Variants in CLEC16A observed in about 807,000 individuals in gnomAD.
CLEC16A encodes the protein protein CLEC16A.
CLEC16A carries 51 observed loss-of-function variants against 109.5 expected under a neutral mutation model. The observed-to-expected ratio is 0.47, with a 90% CI of 0.37 to 0.59. The LOEUF is 0.59. Ranked by LOEUF, CLEC16A falls within the 20% of genes least tolerant of loss-of-function variation. The pLI is 0.00. For synonymous variants in CLEC16A, 673 were observed against 564.2 expected (o/e 1.19, Z -2.73); for missense variants, 1,339 against 1,394.0 (o/e 0.96, Z 0.63).
chr16:11,107,748 C>T (rs949131324), intron 19 of CLEC16A, among the ~76,000 whole-genome samples: 2 of 152,240 alleles, frequency 1.3e-5, no homozygotes, highest in Non-Finnish European at 2.9e-5. Flanking sequence ...CACTGGCTTC[C>T]TTTTCAAAGC....
intron 22 of CLEC16A, among the ~76,000 whole-genome samples, chr16:11,154,383 G>T (rs929896390): frequency 2.6e-5 from 4 of 152,078 alleles, no homozygotes; most frequent in Non-Finnish European, 5.9e-5. Context: ...TGTAACATGA[G>T]GTTTTTAAGA....
At chr16:11,155,387 G>C (rs900591199) in intron 22 of CLEC16A, among the ~76,000 whole-genome samples, 2 of 152,184 alleles carry the variant, frequency 1.3e-5, no homozygotes, top group Non-Finnish European at 2.9e-5. Flanking sequence ...CCTCACCACC[G>C]TATCCTGTAG....
chr16:10,970,607 T>G (rs2042734120), intron 4 of CLEC16A, among the ~76,000 whole-genome samples: 1 of 152,228 alleles, frequency 6.6e-6, no homozygotes, highest in South Asian at 2.1e-4. Context: ...CTCGTCACAT[T>G]GCCCAGGCTG....
At chr16:11,161,868 A>G (rs2054733703) in intron 22 of CLEC16A, among the ~76,000 whole-genome samples, 1 of 152,200 alleles carries the variant, frequency 6.6e-6, no homozygotes, top group East Asian at 1.9e-4. Context: ...AAATAAGCAA[A>G]GCGAAACTCG....
chr16:11,096,453 A>C (rs1172245292), intron 19 of CLEC16A, among the ~76,000 whole-genome samples: 1 of 152,214 alleles, frequency 6.6e-6, no homozygotes, highest in Non-Finnish European at 1.5e-5. Flanking sequence ...GTGTCCCAAG[A>C]AGCACACAGA....
intron 11 of CLEC16A, among the ~76,000 whole-genome samples, chr16:11,014,214 A>T (rs2045605671): frequency 6.6e-6 from 1 of 152,204 alleles, no homozygotes; most frequent in East Asian, 1.9e-4. Context: ...TCTTACATAC[A>T]GGGTAGCATA....
At chr16:11,145,708 T>C (rs1471266905) in intron 22 of CLEC16A, among the ~76,000 whole-genome samples, 1 of 152,282 alleles carries the variant, frequency 6.6e-6, no homozygotes, top group Non-Finnish European at 1.5e-5. Context: ...CAGGGCATTG[T>C]GTGCTGACTC....
chr16:11,108,341 A>G (rs766522133), intron 19 of CLEC16A, among the ~76,000 whole-genome samples: 1 of 152,276 alleles, frequency 6.6e-6, no homozygotes, highest in Non-Finnish European at 1.5e-5. Flanking sequence ...GGGGCCACCA[A>G]GTGCCCTGTG....
chr16:11,124,764 TG>T (rs967617871), intron 21 of CLEC16A, among the ~76,000 whole-genome samples: 6 of 152,256 alleles, frequency 3.9e-5, no homozygotes, highest in African/African-American at 1.4e-4. Flanking sequence ...CCTGGGGATG[TG>T]GGGGTGCTTT....
At chr16:11,098,816 C>G (rs2050749866) in intron 19 of CLEC16A, among the ~76,000 whole-genome samples, 1 of 152,210 alleles carries the variant, frequency 6.6e-6, no homozygotes, top group South Asian at 2.1e-4. Flanking sequence ...AAGAGCCTTT[C>G]CCACCCCTCC....
chr16:11,175,514 T>C (rs1428717067), intron 23 of CLEC16A, among the ~76,000 whole-genome samples: 1 of 152,222 alleles, frequency 6.6e-6, no homozygotes, highest in Non-Finnish European at 1.5e-5. Flanking sequence ...ACTGGGTAAT[T>C]TTCCCCCCAA....
At chr16:11,058,918 T>A (rs1313794675) in intron 18 of CLEC16A, among the ~76,000 whole-genome samples, 1 of 152,196 alleles carries the variant, frequency 6.6e-6, no homozygotes, top group East Asian at 1.9e-4. Flanking sequence ...TTTCTCATCC[T>A]CATGGTCATG....
At chr16:11,071,399 G>C (rs76823692) in intron 19 of CLEC16A, among the ~76,000 whole-genome samples, 49 of 152,240 alleles carry the variant, frequency 3.2e-4, no homozygotes, top group African/African-American at 1.2e-3. Context: ...TGTAAATGTT[G>C]TGGAAGACCA....
At chr16:11,027,347 A>T in intron 13 of CLEC16A, 1 of 1,415,332 alleles carries the variant, frequency 7.1e-7, no homozygotes, top group Non-Finnish European at 9.9e-7. Flanking sequence ...GAACCATTGC[A>T]AGACTTTGCC....
chr16:11,002,526 G>A (rs549962132), intron 10 of CLEC16A, among the ~76,000 whole-genome samples: 1 of 152,278 alleles, frequency 6.6e-6, no homozygotes, highest in African/African-American at 2.4e-5. Flanking sequence ...TGTTCATGGG[G>A]TAAAATGGCA....
intron 19 of CLEC16A, among the ~76,000 whole-genome samples, chr16:11,085,803 G>A (rs1247367886): frequency 6.6e-6 from 1 of 152,186 alleles, no homozygotes. Context: ...TGTTGCCCAG[G>A]CTAGTCTCAA....
intron 1 of CLEC16A, among the ~76,000 whole-genome samples, chr16:10,945,892 G>A (rs2041338858): frequency 6.6e-6 from 1 of 152,062 alleles, no homozygotes; most frequent in Non-Finnish European, 1.5e-5. Flanking sequence ...CTGTTAAACT[G>A]GCACTTCACG....
At chr16:11,080,294 T>C (rs1488796116) in intron 19 of CLEC16A, among the ~76,000 whole-genome samples, 1 of 152,192 alleles carries the variant, frequency 6.6e-6, no homozygotes, top group Non-Finnish European at 1.5e-5. Context: ...TGCTGGAAAC[T>C]GCAGGATCAA....
At chr16:11,018,526 G>C (rs2152798079) in intron 11 of CLEC16A, among the ~76,000 whole-genome samples, 1 of 152,158 alleles carries the variant, frequency 6.6e-6, no homozygotes, top group South Asian at 2.1e-4. Flanking sequence ...GAGACAGGCA[G>C]ATCATGAGGT....
Sources: gnomAD v4.1 joint callset for allele counts (sites outside exome capture counted in the v4.1 genomes callset) on GRCh38, gnomAD v4.1.1 for gene constraint, MANE v1.5 for transcripts, NCBI Gene and HGNC (gene_info 2026-07-23, HGNC 2026-07-21) for gene names.